The following RIMS1 variants were observed in gnomAD, a reference collection of about 807,000 sequenced individuals.
RIMS1 encodes the protein regulating synaptic membrane exocytosis 1.
A neutral mutation model predicts 214.1 loss-of-function variants in RIMS1; 83 were observed. The ratio of observed to expected loss-of-function variants is 0.39; its 90% CI spans 0.32 to 0.47. RIMS1 has a LOEUF of 0.47. RIMS1 is among the 20% of genes least tolerant of loss of function. The pLI is 0.99. For missense variants in RIMS1, 2,050 were observed against 2,161.8 expected (o/e 0.95, Z 1.03); for synonymous variants, 793 against 786.8 (o/e 1.01, Z -0.13).
intron 29 of RIMS1, among the ~76,000 whole-genome samples, chr6:72,340,305 A>T (rs2097017072): frequency 6.6e-6 from 1 of 151,052 alleles, no homozygotes; most frequent in Non-Finnish European, 1.5e-5. Flanking sequence ...CCCATTTGTC[A>T]ATTTTGGCTT....
chr6:72,207,879 A>G (rs946275342), intron 6 of RIMS1, among the ~76,000 whole-genome samples: 4 of 152,178 alleles, frequency 2.6e-5, no homozygotes, highest in African/African-American at 9.7e-5. Flanking sequence ...TGAAAGAGGA[A>G]TCTCTAATCT....
At chr6:71,929,247 G>C (rs952961491) in intron 1 of RIMS1, among the ~76,000 whole-genome samples, 1 of 152,082 alleles carries the variant, frequency 6.6e-6, no homozygotes, top group African/African-American at 2.4e-5. Context: ...GTATAGAGCC[G>C]ACACAGTTGG....
intron 4 of RIMS1, among the ~76,000 whole-genome samples, chr6:72,104,766 A>G (rs932987814): frequency 6.6e-6 from 1 of 152,204 alleles, no homozygotes; most frequent in Non-Finnish European, 1.5e-5. Context: ...CACTTCAGAC[A>G]ATTTTCAGAT....
intron 28 of RIMS1, among the ~76,000 whole-genome samples, chr6:72,318,848 T>C (rs2095982258): frequency 6.6e-6 from 1 of 152,196 alleles, no homozygotes; most frequent in Non-Finnish European, 1.5e-5. Context: ...GGTTTTTGGC[T>C]AAGGACATAT....
At chr6:72,141,693 T>C (rs2042098030) in intron 4 of RIMS1, among the ~76,000 whole-genome samples, 4 of 152,038 alleles carry the variant, frequency 2.6e-5, no homozygotes, top group African/African-American at 9.7e-5. Context: ...GAGTAAGTAC[T>C]AAAGTTTTAA....
chr6:71,925,212 T>C (rs760017302), intron 1 of RIMS1, among the ~76,000 whole-genome samples: 11 of 152,240 alleles, frequency 7.2e-5, no homozygotes, highest in Non-Finnish European at 1.3e-4. Context: ...CAATTGGATT[T>C]GTCAGTTTGG....
chr6:72,072,924 C>G (rs1001132927), intron 2 of RIMS1, among the ~76,000 whole-genome samples: 3 of 152,144 alleles, frequency 2.0e-5, no homozygotes, highest in African/African-American at 7.2e-5. Context: ...ATAGACAGAG[C>G]CCTCATGCAG....
At chr6:72,102,186 A>G (rs142043508) in intron 4 of RIMS1, among the ~76,000 whole-genome samples, 4 of 151,956 alleles carry the variant, frequency 2.6e-5, no homozygotes, top group African/African-American at 7.2e-5. Flanking sequence ...TGAATCCTGC[A>G]AACTTAATTC....
chr6:72,018,311 GT>G (rs1237151885), intron 2 of RIMS1, among the ~76,000 whole-genome samples: 1 of 152,110 alleles, frequency 6.6e-6, no homozygotes, highest in Non-Finnish European at 1.5e-5. Context: ...GAATAATTAA[GT>G]TTTTTTGGTC....
intron 4 of RIMS1, among the ~76,000 whole-genome samples, chr6:72,150,404 T>C (rs2043378334): frequency 6.6e-6 from 1 of 152,190 alleles, no homozygotes. Context: ...GGCTTGAAGG[T>C]GGGGTTTCAC....
intron 2 of RIMS1, among the ~76,000 whole-genome samples, chr6:71,992,404 C>CTATCTTTCTTTCTTTCTT (rs200339642): frequency 7.3e-5 from 8 of 110,080 alleles, no homozygotes; most frequent in South Asian, 2.9e-4. Flanking sequence ...TTCTCTCTCT[C>CTATCTTTCTTTCTTTCTT]TCTTTCTTTC....
At chr6:71,907,536 A>T (rs1775608105) in intron 1 of RIMS1, among the ~76,000 whole-genome samples, 1 of 152,158 alleles carries the variant, frequency 6.6e-6, no homozygotes, top group Non-Finnish European at 1.5e-5. Flanking sequence ...CATAATGCTG[A>T]CATTTTCACA....
At chr6:71,950,978 G>A (rs761061432) in intron 1 of RIMS1, among the ~76,000 whole-genome samples, 2 of 152,184 alleles carry the variant, frequency 1.3e-5, no homozygotes, top group Non-Finnish European at 2.9e-5. Context: ...TAACATTTTA[G>A]ATGAGAAGAC....
chr6:72,260,648 C>T, intron 18 of RIMS1, 57 bp from the exon 19 acceptor site: 2 of 1,597,888 alleles, frequency 1.3e-6, no homozygotes, highest in Non-Finnish European at 1.7e-6. Context: ...ATACCATTGG[C>T]ATAACCCATG....
chr6:72,106,860 G>A (rs1370584258), intron 4 of RIMS1, among the ~76,000 whole-genome samples: 1 of 152,146 alleles, frequency 6.6e-6, no homozygotes, highest in Non-Finnish European at 1.5e-5. Flanking sequence ...CCATTTGGGA[G>A]GACTCTTGTA....
intron 2 of RIMS1, among the ~76,000 whole-genome samples, chr6:72,040,336 C>G (rs1821097086): frequency 6.6e-6 from 1 of 151,958 alleles, no homozygotes; most frequent in African/African-American, 2.4e-5. Flanking sequence ...AAAGCAATAA[C>G]AGGACTTAAT....
intron 2 of RIMS1, among the ~76,000 whole-genome samples, chr6:72,010,356 A>C (rs1483897316): frequency 6.6e-6 from 1 of 152,194 alleles, no homozygotes; most frequent in African/African-American, 2.4e-5. Flanking sequence ...ATCTATGACA[A>C]ACCCACAGCC....
chr6:72,060,032 G>A (rs1827438350), intron 2 of RIMS1, among the ~76,000 whole-genome samples: 1 of 151,934 alleles, frequency 6.6e-6, no homozygotes, highest in African/African-American at 2.4e-5. Flanking sequence ...TCCGCCTCCT[G>A]GGTTCAAGCG....
At chr6:72,018,782 C>G (rs1346172093) in intron 2 of RIMS1, among the ~76,000 whole-genome samples, 1 of 152,052 alleles carries the variant, frequency 6.6e-6, no homozygotes, top group Non-Finnish European at 1.5e-5. Flanking sequence ...TGAGATTTGG[C>G]CATTTGGTTC....
Sources: allele counts gnomAD v4.1 joint callset (sites outside exome capture counted in the v4.1 genomes callset), GRCh38; gene constraint gnomAD v4.1.1; transcripts MANE v1.5; gene names NCBI Gene and HGNC (gene_info 2026-07-23, HGNC 2026-07-21).